Variants in HTR2A observed in about 807,000 individuals in gnomAD.
HTR2A encodes the protein 5-HT2 receptor.
A neutral mutation model predicts 31.0 loss-of-function variants in HTR2A; 14 were observed. That is an observed-to-expected ratio of 0.45 (90% CI 0.30 to 0.71). The LOEUF (loss-of-function observed/expected upper bound fraction) is 0.71, where lower values mean the gene tolerates loss of function less well. Ranked by LOEUF, HTR2A falls within the 30% of genes least tolerant of loss-of-function variation. HTR2A has a pLI of 0.09. For synonymous variants in HTR2A, 209 were observed against 225.2 expected (o/e 0.93, Z 0.64); for missense variants, 442 against 573.3 (o/e 0.77, Z 2.34).
At chr13:46,860,556 G>A (rs557680591) in intron 3 of HTR2A, among the ~76,000 whole-genome samples, 4 of 152,276 alleles carry the variant, frequency 2.6e-5, no homozygotes, top group African/African-American at 9.6e-5. Flanking sequence ...ATTGAAAAAA[G>A]TCAAACTTCA....
chr13:46,851,881 A>G (rs1371750189), intron 3 of HTR2A, among the ~76,000 whole-genome samples: 3 of 152,212 alleles, frequency 2.0e-5, no homozygotes, highest in Non-Finnish European at 4.4e-5. Context: ...GGATAAACTA[A>G]AGTTGCAGAT....
intron 3 of HTR2A, among the ~76,000 whole-genome samples, chr13:46,885,513 GA>G (rs1268268394): frequency 6.6e-6 from 1 of 152,172 alleles, no homozygotes; most frequent in African/African-American, 2.4e-5. Flanking sequence ...GCAATTTAGA[GA>G]AAAGTGACAT....
chr13:46,835,448 C>A lies in HTR2A; in HGVS notation c.805G>T (p.Val269Leu). The part of the protein sequence containing the change: ...KSLQKEATLC[V>L]SDLGTRAKLA... ...TTGGCCCGTGTGCCAAGATCACTTACACACAAAGTAGCTTCTTTCTGGAGT... is the reference window on the plus strand; with the variant it reads ...TTGGCCCGTGTGCCAAGATCACTTAAACACAAAGTAGCTTCTTTCTGGAGT... Residue 269 changes from valine to leucine, a missense_variant, in exon 4 of 4, where the codon GTA becomes TTA. Physicochemically the swap from Val to Leu is conservative, Grantham distance 32. Around this residue, in one of 5 missense-constraint regions of HTR2A, gnomAD observed 174 missense variants for 195.1 expected, o/e 0.89. Transcript: ENST00000542664. 6.2e-7 allele frequency: 1 copy of A among 1,614,094 alleles called. No homozygotes were observed. Among genetic ancestry groups the A allele is most frequent in the Non-Finnish European group, 8.5e-7 (1 of 1,179,980 alleles).
intron 3 of HTR2A, among the ~76,000 whole-genome samples, chr13:46,856,609 C>A (rs1950739953): frequency 6.6e-6 from 1 of 151,086 alleles, no homozygotes; most frequent in Non-Finnish European, 1.5e-5. Context: ...AAAAAAAATA[C>A]AAAAAAACAC....
chr13:46,846,855 G>C (rs1950646952), intron 3 of HTR2A, among the ~76,000 whole-genome samples: 1 of 152,164 alleles, frequency 6.6e-6, no homozygotes, highest in African/African-American at 2.4e-5. Context: ...TACGGAATCA[G>C]TTTCTCACCC....
intron 3 of HTR2A, among the ~76,000 whole-genome samples, chr13:46,876,554 C>T (rs533729704): frequency 2.6e-5 from 4 of 151,094 alleles, no homozygotes; most frequent in South Asian, 2.1e-4. Flanking sequence ...GGACTACAAG[C>T]GCCTGCCACC....
intron 3 of HTR2A, among the ~76,000 whole-genome samples, chr13:46,839,559 T>C (rs1394041612): frequency 6.6e-6 from 1 of 152,182 alleles, no homozygotes; most frequent in African/African-American, 2.4e-5. Context: ...TCACTTGAAA[T>C]TTCTGCATAT....
intron 3 of HTR2A, among the ~76,000 whole-genome samples, chr13:46,882,314 A>G (rs963968062): frequency 6.6e-6 from 1 of 152,194 alleles, no homozygotes; most frequent in African/African-American, 2.4e-5. Context: ...TAGACAGATC[A>G]GTAGAAACAG....
intron 3 of HTR2A, among the ~76,000 whole-genome samples, chr13:46,884,842 C>A (rs1461252824): frequency 4.3e-5 from 6 of 140,582 alleles, no homozygotes; most frequent in African/African-American, 8.6e-5. Flanking sequence ...ATATATATAT[C>A]TCCACATATT....
At chr13:46,860,576 A>G (rs889713203) in intron 3 of HTR2A, among the ~76,000 whole-genome samples, 2 of 152,214 alleles carry the variant, frequency 1.3e-5, no homozygotes, top group Non-Finnish European at 2.9e-5. Context: ...AACTGCGAAT[A>G]TATTCCTTAA....
chr13:46,894,325 C>T (rs977968166), intron 2 of HTR2A, among the ~76,000 whole-genome samples: 1 of 152,200 alleles, frequency 6.6e-6, no homozygotes, highest in African/African-American at 2.4e-5. Flanking sequence ...TCTGTCACTC[C>T]TCCTACCCCC....
chr13:46,859,859 G>T (rs1403400767), intron 3 of HTR2A, among the ~76,000 whole-genome samples: 1 of 152,168 alleles, frequency 6.6e-6, no homozygotes, highest in Non-Finnish European at 1.5e-5. Context: ...TCTTTTACCT[G>T]AGTATAGCCA....
chr13:46,887,814 TA>T (rs2080850958), intron 3 of HTR2A, among the ~76,000 whole-genome samples: 1 of 151,084 alleles, frequency 6.6e-6, no homozygotes. Context: ...GTACAAAATG[TA>T]GAAGTGTTTA....
At chr13:46,858,521 A>G (rs957971730) in intron 3 of HTR2A, among the ~76,000 whole-genome samples, 2 of 152,124 alleles carry the variant, frequency 1.3e-5, no homozygotes. Flanking sequence ...AATGAGATAG[A>G]GCTAATATAA....
intron 3 of HTR2A, among the ~76,000 whole-genome samples, chr13:46,873,803 C>T (rs1184124298): frequency 6.6e-6 from 1 of 152,166 alleles, no homozygotes; most frequent in Non-Finnish European, 1.5e-5. Context: ...ATTTCACTTT[C>T]ACAGTTCAGT....
At chr13:46,896,647 A>G (rs1951107229) in intron 1 of HTR2A, 27 bp downstream of exon 1, 6 of 1,485,322 alleles carry the variant, frequency 4.0e-6, no homozygotes, top group Admixed American at 2.3e-5. Flanking sequence ...TTACACAGCA[A>G]TAAAATATAG....
At chr13:46,847,475 GC>G (rs1173109751) in intron 3 of HTR2A, among the ~76,000 whole-genome samples, 1 of 152,230 alleles carries the variant, frequency 6.6e-6, no homozygotes, top group Non-Finnish European at 1.5e-5. Flanking sequence ...GAAGGGTGTT[GC>G]TTGGTAAACT....
intron 3 of HTR2A, among the ~76,000 whole-genome samples, chr13:46,847,542 C>T (rs1349505424): frequency 6.6e-6 from 1 of 152,164 alleles, no homozygotes; most frequent in Non-Finnish European, 1.5e-5. Context: ...ACACATTGTG[C>T]AAGCCAAACA....
intron 3 of HTR2A, among the ~76,000 whole-genome samples, chr13:46,840,665 AT>A (rs1950590866): frequency 6.6e-6 from 1 of 152,134 alleles, no homozygotes; most frequent in South Asian, 2.1e-4. Context: ...CTTATGGTGG[AT>A]TTTTAAAAAC....
Sources: allele counts gnomAD v4.1 joint callset (sites outside exome capture counted in the v4.1 genomes callset), GRCh38; gene constraint gnomAD v4.1.1; regional missense constraint gnomAD v4.1.1; transcripts MANE v1.5; gene names NCBI Gene and HGNC (gene_info 2026-07-23, HGNC 2026-07-21).